The following GRID2 variants were observed in gnomAD, a reference collection of about 807,000 sequenced individuals.
GRID2 encodes glutamate receptor ionotropic, delta-2.
A neutral mutation model predicts 114.8 loss-of-function variants in GRID2; 33 were observed. The ratio of observed to expected loss-of-function variants is 0.29; its 90% CI spans 0.22 to 0.38. GRID2 has a LOEUF of 0.38. Among genes scored for constraint, GRID2 ranks in the 10% least tolerant of loss-of-function variants. The pLI is 1.00. For synonymous variants in GRID2, 505 were observed against 449.9 expected (o/e 1.12, Z -1.55); for missense variants, 1,184 against 1,257.7 (o/e 0.94, Z 0.89).
At chr4:92,683,133 A>G (rs1002596125) in intron 2 of GRID2, among the ~76,000 whole-genome samples, 1 of 152,072 alleles carries the variant, frequency 6.6e-6, no homozygotes. Context: ...CCTTGCCTCT[A>G]CTAAAAATAC....
chr4:93,784,734 T>A (rs752665833), intron 1 of GRID2, among the ~76,000 whole-genome samples: 2 of 151,760 alleles, frequency 1.3e-5, no homozygotes, highest in Non-Finnish European at 2.9e-5. Flanking sequence ...AGAAGAGATA[T>A]CCTGTATATA....
chr4:92,943,046 T>C (rs1224107834), intron 2 of GRID2, among the ~76,000 whole-genome samples: 1 of 152,162 alleles, frequency 6.6e-6, no homozygotes, highest in African/African-American at 2.4e-5. Flanking sequence ...CAATTATGTG[T>C]CTTGGAGTTG....
At chr4:92,358,261 A>G (rs1728442320) in intron 1 of GRID2, among the ~76,000 whole-genome samples, 1 of 151,958 alleles carries the variant, frequency 6.6e-6, no homozygotes, top group Non-Finnish European at 1.5e-5. Flanking sequence ...TTCACTGGAG[A>G]GGAATTACAT....
chr4:92,641,770 A>T (rs973047821), intron 2 of GRID2, among the ~76,000 whole-genome samples: 7 of 151,664 alleles, frequency 4.6e-5, no homozygotes, highest in Admixed American at 2.0e-4. Context: ...AGGTAGCTTT[A>T]CGATGCATGC....
At chr4:92,412,179 G>C (rs1731372553) in intron 1 of GRID2, among the ~76,000 whole-genome samples, 1 of 151,854 alleles carries the variant, frequency 6.6e-6, no homozygotes, top group Admixed American at 6.6e-5. Context: ...GCCTAGAAAA[G>C]TAATCATGGT....
chr4:93,802,414 G>A (rs898132493), intron 1 of GRID2, among the ~76,000 whole-genome samples: 1 of 145,216 alleles, frequency 6.9e-6, no homozygotes, highest in South Asian at 2.1e-4. Context: ...GTGTGACAGA[G>A]AGAGAGAAAG....
chr4:93,218,425 G>A (rs879519898), intron 6 of GRID2, among the ~76,000 whole-genome samples: 250 of 152,138 alleles, frequency 1.6e-3, no homozygotes, highest in Non-Finnish European at 3.0e-3. Flanking sequence ...AATCACCTGA[G>A]CCCTAGAGGT....
At chr4:92,912,063 T>A (rs1287932864) in intron 2 of GRID2, among the ~76,000 whole-genome samples, 1 of 151,918 alleles carries the variant, frequency 6.6e-6, no homozygotes, top group African/African-American at 2.4e-5. Flanking sequence ...AATATTTTTA[T>A]GTTATCATGT....
chr4:92,783,287 C>T (rs185143532), intron 2 of GRID2, among the ~76,000 whole-genome samples: 3 of 151,960 alleles, frequency 2.0e-5, no homozygotes, highest in South Asian at 2.1e-4. Context: ...TGTTTTCACC[C>T]GCAAAAATGG....
chr4:92,622,298 T>C (rs1205934966), intron 2 of GRID2, among the ~76,000 whole-genome samples: 1 of 151,800 alleles, frequency 6.6e-6, no homozygotes, highest in Non-Finnish European at 1.5e-5. Context: ...GATGTTGCTT[T>C]ACTGTTTTCA....
chr4:93,116,335 A>G (rs890525257), intron 4 of GRID2, among the ~76,000 whole-genome samples: 1 of 152,172 alleles, frequency 6.6e-6, no homozygotes, highest in African/African-American at 2.4e-5. Context: ...GAAATAAATT[A>G]TTCATGCTTG....
At chr4:92,753,241 A>G (rs1737542599) in intron 2 of GRID2, among the ~76,000 whole-genome samples, 1 of 152,164 alleles carries the variant, frequency 6.6e-6, no homozygotes, top group African/African-American at 2.4e-5. Context: ...GTTTTATTAG[A>G]TTATGTTATC....
intron 1 of GRID2, among the ~76,000 whole-genome samples, chr4:92,466,508 T>C (rs1401159733): frequency 6.6e-6 from 1 of 151,874 alleles, no homozygotes; most frequent in Non-Finnish European, 1.5e-5. Flanking sequence ...AAACATCTCA[T>C]GTACCCCATA....
intron 1 of GRID2, among the ~76,000 whole-genome samples, chr4:92,415,734 ATGTG>A (rs1285685766): frequency 2.4e-5 from 1 of 40,984 alleles, no homozygotes; most frequent in African/African-American, 8.7e-5. Flanking sequence ...GTGTGTGTGT[ATGTG>A]TGTATATATA....
At chr4:92,929,307 G>C (rs1330434058) in intron 2 of GRID2, among the ~76,000 whole-genome samples, 1 of 151,122 alleles carries the variant, frequency 6.6e-6, no homozygotes, top group Non-Finnish European at 1.5e-5. Context: ...TGTGGATACA[G>C]ATTTCCTTGA....
chr4:93,453,506 A>G (rs1484216900), intron 10 of GRID2, among the ~76,000 whole-genome samples: 1 of 152,098 alleles, frequency 6.6e-6, no homozygotes, highest in Non-Finnish European at 1.5e-5. Context: ...ATGACAAGTA[A>G]TTGTTAAATT....
chr4:93,615,468 G>A (rs1029410437), intron 13 of GRID2, among the ~76,000 whole-genome samples: 2 of 152,146 alleles, frequency 1.3e-5, no homozygotes, highest in Non-Finnish European at 2.9e-5. Context: ...ATAGTAGCAT[G>A]ATTTATAATC....
At chr4:92,479,210 A>C (rs1722464458) in intron 1 of GRID2, among the ~76,000 whole-genome samples, 1 of 152,122 alleles carries the variant, frequency 6.6e-6, no homozygotes. Flanking sequence ...GACTTACTTC[A>C]AGTTTAGTTT....
At chr4:93,102,152 A>G (rs890159831) in intron 3 of GRID2, among the ~76,000 whole-genome samples, 4 of 152,168 alleles carry the variant, frequency 2.6e-5, no homozygotes, top group African/African-American at 9.6e-5. Context: ...AAGTCTAGGG[A>G]ACAGCTGCCT....
Sources: allele counts gnomAD v4.1 joint callset (sites outside exome capture counted in the v4.1 genomes callset), GRCh38; gene constraint gnomAD v4.1.1; transcripts MANE v1.5; gene names NCBI Gene and HGNC (gene_info 2026-07-23, HGNC 2026-07-21).